The following KCNAB1 variants were observed in gnomAD, a reference collection of about 807,000 sequenced individuals.
The protein encoded by KCNAB1 is potassium voltage-gated channel subfamily A regulatory beta subunit 1, also known as voltage-gated potassium channel subunit beta-1.
Under a neutral mutation model 64.6 loss-of-function variants are expected in KCNAB1, and 35 were observed. The observed-to-expected ratio is 0.54, with a 90% CI of 0.41 to 0.72. The LOEUF is 0.72. Among genes scored for constraint, KCNAB1 ranks in the 30% least tolerant of loss-of-function variants. The pLI, the probability that KCNAB1 is intolerant of heterozygous loss-of-function variation, is 0.00. For missense variants in KCNAB1, 401 were observed against 512.9 expected (o/e 0.78, Z 2.11); for synonymous variants, 177 against 183.8 (o/e 0.96, Z 0.30).
chr3:156,140,443 C>T (rs555208426), intron 1 of KCNAB1, among the ~76,000 whole-genome samples: 42 of 152,220 alleles, frequency 2.8e-4, no homozygotes, highest in African/African-American at 9.4e-4. Context: ...GTTGAAGGGC[C>T]GCTGCTCTCT....
At chr3:156,490,546 A>G (rs1404530720) in intron 8 of KCNAB1, among the ~76,000 whole-genome samples, 1 of 152,182 alleles carries the variant, frequency 6.6e-6, no homozygotes, top group Non-Finnish European at 1.5e-5. Context: ...AAGAGCAAGA[A>G]CAACATAGAA....
chr3:156,531,155 G>C (rs1441018102), intron 12 of KCNAB1, among the ~76,000 whole-genome samples: 2 of 152,184 alleles, frequency 1.3e-5, no homozygotes, highest in Non-Finnish European at 2.9e-5. Flanking sequence ...GTGCTGGAGA[G>C]AATCTTACAA....
chr3:156,323,036 C>T (rs1315295515), intron 1 of KCNAB1, among the ~76,000 whole-genome samples: 1 of 152,142 alleles, frequency 6.6e-6, no homozygotes, highest in Non-Finnish European at 1.5e-5. Flanking sequence ...TGAATCTGCA[C>T]CAATCAGCAA....
intron 10 of KCNAB1, 99 bp from the exon 11 acceptor site, chr3:156,516,171 A>C (rs978211973): frequency 1.9e-5 from 15 of 789,320 alleles, no homozygotes; most frequent in Non-Finnish European, 3.1e-5. Flanking sequence ...GCTTTTCCCT[A>C]TAACCTACCA....
chr3:156,410,712 A>G (rs544291775), intron 1 of KCNAB1, among the ~76,000 whole-genome samples: 2 of 152,304 alleles, frequency 1.3e-5, no homozygotes, highest in East Asian at 3.9e-4. Flanking sequence ...AATGTCATGT[A>G]AGTGGAATCA....
chr3:156,198,163 T>A (rs1308206765), intron 1 of KCNAB1, among the ~76,000 whole-genome samples: 1 of 152,232 alleles, frequency 6.6e-6, no homozygotes, highest in Non-Finnish European at 1.5e-5. Flanking sequence ...CTGTTTGTTA[T>A]GATTTTTATT....
intron 1 of KCNAB1, among the ~76,000 whole-genome samples, chr3:156,383,847 T>A (rs1712364906): frequency 6.6e-6 from 1 of 152,202 alleles, no homozygotes; most frequent in Non-Finnish European, 1.5e-5. Context: ...TTTTCGCCCC[T>A]GAGCTGGTTT....
intron 1 of KCNAB1, chr3:156,291,272 G>A (rs1720393759): frequency 1.0e-6 from 1 of 987,410 alleles, no homozygotes; most frequent in South Asian, 4.7e-5. Flanking sequence ...GAGTGGGGAG[G>A]GGTCTTGAGG....
intron 1 of KCNAB1, among the ~76,000 whole-genome samples, chr3:156,299,471 AG>A (rs1721013187): frequency 6.6e-6 from 1 of 152,202 alleles, no homozygotes; most frequent in African/African-American, 2.4e-5. Context: ...TCTAAAGCAC[AG>A]GCTTCTCAGG....
At chr3:156,492,327 AAT>A (rs1322425386) in intron 8 of KCNAB1, among the ~76,000 whole-genome samples, 1 of 152,156 alleles carries the variant, frequency 6.6e-6, no homozygotes, top group Non-Finnish European at 1.5e-5. Context: ...CCTCCCCTTG[AAT>A]CTGGACATGC....
chr3:156,363,941 C>T (rs183399756), intron 1 of KCNAB1, among the ~76,000 whole-genome samples: 4 of 152,312 alleles, frequency 2.6e-5, no homozygotes, highest in East Asian at 3.9e-4. Flanking sequence ...AGCCACTAAA[C>T]GTTAGTGACA....
rs1264738261 is a variant in KCNAB1 at position 156,452,843 on chromosome 3, C to T, written c.320-56C>T. On this transcript the variant is annotated intron_variant, in intron 2 of 13. Coordinates refer to ENST00000490337, the MANE Select transcript of KCNAB1 (RefSeq NM_172160.3). This position sits in a 1 kb window ranked among gnomAD's most constrained non-coding sequence, Gnocchi z 4.6. ...CCCAAAGTAAGAATTTCCCTTATTA[C>T]GCACAATATTAGAAAAATGATGATG... is the stretch of plus-strand genomic sequence containing the variant. 1.9e-5 allele frequency: 26 copies of T among 1,333,698 alleles called. No homozygotes were observed. The highest frequency in any genetic ancestry group is 2.3e-5 in the Non-Finnish European group (22 of 942,906). 82.6% of individuals were successfully genotyped at this position (1,333,698 alleles called of 1,614,324 possible).
chr3:156,511,679 C>T (rs1717222662), intron 8 of KCNAB1, among the ~76,000 whole-genome samples: 1 of 123,790 alleles, frequency 8.1e-6, no homozygotes, highest in African/African-American at 3.4e-5. Flanking sequence ...TCATCTCCTG[C>T]CTAGAATACA....
chr3:156,196,090 T>C (rs549905297), intron 1 of KCNAB1, among the ~76,000 whole-genome samples: 18 of 152,324 alleles, frequency 1.2e-4, no homozygotes, highest in African/African-American at 3.8e-4. Context: ...AAAGGTCACA[T>C]GATTGTAGAT....
chr3:156,278,841 C>T (rs1033980616), intron 1 of KCNAB1, among the ~76,000 whole-genome samples: 1 of 152,062 alleles, frequency 6.6e-6, no homozygotes, highest in Non-Finnish European at 1.5e-5. Flanking sequence ...ATCATCAACA[C>T]AAAGGATGGC....
At chr3:156,207,436 A>G in intron 1 of KCNAB1, among the ~76,000 whole-genome samples, 1 of 152,086 alleles carries the variant, frequency 6.6e-6, no homozygotes, top group Middle Eastern at 3.2e-3. Context: ...CTCTTTTGCA[A>G]CTCACCCTAG....
intron 1 of KCNAB1, among the ~76,000 whole-genome samples, chr3:156,190,623 C>T (rs909243424): frequency 6.6e-6 from 1 of 152,116 alleles, no homozygotes; most frequent in Non-Finnish European, 1.5e-5. Context: ...TAATACCGGC[C>T]CTGCTGGCTT....
At chr3:156,264,295 G>A (rs922555253) in intron 1 of KCNAB1, among the ~76,000 whole-genome samples, 1 of 151,686 alleles carries the variant, frequency 6.6e-6, no homozygotes, top group Non-Finnish European at 1.5e-5. Flanking sequence ...TGAATCTAAG[G>A]TGTGTCTCTT....
intron 8 of KCNAB1, among the ~76,000 whole-genome samples, chr3:156,478,890 A>C (rs1005549536): frequency 1.3e-5 from 2 of 152,140 alleles, no homozygotes; most frequent in African/African-American, 4.8e-5. Flanking sequence ...TCCTCTCAAA[A>C]GAATGGCTGT....
Sources: allele counts gnomAD v4.1 joint callset (sites outside exome capture counted in the v4.1 genomes callset), GRCh38; gene constraint gnomAD v4.1.1; non-coding constraint Gnocchi (gnomAD v3.1); transcripts MANE v1.5; gene names NCBI Gene and HGNC (gene_info 2026-07-23, HGNC 2026-07-21).